Variants in HSD17B12 observed in about 807,000 individuals in gnomAD.
HSD17B12 encodes the protein hydroxysteroid 17-beta dehydrogenase 12.
A neutral mutation model predicts 39.3 loss-of-function variants in HSD17B12; 32 were observed. The ratio of observed to expected loss-of-function variants is 0.81; its 90% CI spans 0.61 to 1.09. HSD17B12 has a LOEUF of 1.09. Among genes scored for constraint, HSD17B12 ranks in the 50% least tolerant of loss-of-function variants. The pLI is 0.00. For missense variants in HSD17B12, 342 were observed against 382.9 expected (o/e 0.89, Z 0.89); for synonymous variants, 150 against 146.7 (o/e 1.02, Z -0.16).
At chr11:43,740,849 A>G (rs989800650) in intron 1 of HSD17B12, among the ~76,000 whole-genome samples, 2 of 152,266 alleles carry the variant, frequency 1.3e-5, no homozygotes, top group Non-Finnish European at 2.9e-5. Context: ...GTTAAAAATC[A>G]GTATTCTCCT....
the HSD17B12 span, among the ~76,000 whole-genome samples, chr11:43,630,367 A>C: frequency 6.6e-6 from 1 of 152,292 alleles, no homozygotes; most frequent in East Asian, 1.9e-4. Context: ...ATCATTGACA[A>C]GATTCTAAGG....
the HSD17B12 span, among the ~76,000 whole-genome samples, chr11:43,597,459 T>C: frequency 6.6e-6 from 1 of 152,058 alleles, no homozygotes; most frequent in Non-Finnish European, 1.5e-5. Context: ...ACGAAGGACT[T>C]TGGACTAATT....
At chr11:43,665,281 C>T in the HSD17B12 span, among the ~76,000 whole-genome samples, 4 of 152,104 alleles carry the variant, frequency 2.6e-5, no homozygotes, top group African/African-American at 4.8e-5. Context: ...TGCGGTGGTG[C>T]GATCTGGGCC....
chr11:43,850,898 C>T (rs1951524345), intron 9 of HSD17B12, among the ~76,000 whole-genome samples: 1 of 152,116 alleles, frequency 6.6e-6, no homozygotes, highest in Non-Finnish European at 1.5e-5. Flanking sequence ...TCCATCTCTA[C>T]TAAAAATACA....
chr11:43,667,954 C>G, the HSD17B12 span, among the ~76,000 whole-genome samples: 1 of 151,960 alleles, frequency 6.6e-6, no homozygotes, highest in Non-Finnish European at 1.5e-5. Flanking sequence ...GTAAAAAAAC[C>G]CATGTAGGAT....
At chr11:43,746,306 G>A (rs551764508) in intron 1 of HSD17B12, among the ~76,000 whole-genome samples, 29 of 152,048 alleles carry the variant, frequency 1.9e-4, no homozygotes, top group Admixed American at 8.5e-4. Flanking sequence ...GAAACACATT[G>A]TATACTGTAC....
intron 1 of HSD17B12, among the ~76,000 whole-genome samples, chr11:43,708,310 G>T (rs929775614): frequency 6.6e-6 from 1 of 152,092 alleles, no homozygotes; most frequent in Non-Finnish European, 1.5e-5. Flanking sequence ...ATAGGCTATT[G>T]TTTTACACAT....
At chr11:43,798,005 G>A (rs1365398230) in intron 3 of HSD17B12, among the ~76,000 whole-genome samples, 1 of 152,102 alleles carries the variant, frequency 6.6e-6, no homozygotes, top group East Asian at 1.9e-4. Context: ...TTTATGATAT[G>A]AATCATGTTT....
intron 4 of HSD17B12, among the ~76,000 whole-genome samples, chr11:43,807,529 A>G (rs1333290274): frequency 6.6e-6 from 1 of 152,234 alleles, no homozygotes; most frequent in African/African-American, 2.4e-5. Context: ...AAGTCTGAGA[A>G]AACCAAGACA....
At chr11:43,627,192 T>C in the HSD17B12 span, among the ~76,000 whole-genome samples, 3 of 151,948 alleles carry the variant, frequency 2.0e-5, no homozygotes, top group Non-Finnish European at 4.4e-5. Context: ...TAAGCCCTAT[T>C]GGTTCCTGAA....
At chr11:43,801,775 A>C (rs1950972042) in intron 4 of HSD17B12, among the ~76,000 whole-genome samples, 1 of 151,892 alleles carries the variant, frequency 6.6e-6, no homozygotes, top group Non-Finnish European at 1.5e-5. Flanking sequence ...GAATAGAGAG[A>C]ATGTAAAGAG....
intron 3 of HSD17B12, among the ~76,000 whole-genome samples, chr11:43,773,528 T>C (rs1432416976): frequency 1.3e-5 from 2 of 152,202 alleles, no homozygotes; most frequent in Non-Finnish European, 2.9e-5. Context: ...AGTGAGCCAC[T>C]GTACCTGGCC....
the HSD17B12 span, among the ~76,000 whole-genome samples, chr11:43,642,069 A>G: frequency 5.9e-5 from 9 of 151,792 alleles, no homozygotes; most frequent in Admixed American, 2.0e-4. Context: ...CTAATTTTAA[A>G]CATATTAATA....
intron 9 of HSD17B12, among the ~76,000 whole-genome samples, chr11:43,851,696 A>G (rs1487531626): frequency 6.6e-6 from 1 of 152,234 alleles, no homozygotes; most frequent in Non-Finnish European, 1.5e-5. Flanking sequence ...CAATTCATTC[A>G]ATAGATATTA....
At chr11:43,833,676 A>G (rs1039900726) in intron 7 of HSD17B12, 3 of 152,164 alleles carry the variant, frequency 2.0e-5, no homozygotes, top group South Asian at 2.1e-4. Flanking sequence ...CTTATTTCCT[A>G]TGGCTGGTTT....
At chr11:43,711,964 G>T (rs1950070834) in intron 1 of HSD17B12, among the ~76,000 whole-genome samples, 1 of 152,236 alleles carries the variant, frequency 6.6e-6, no homozygotes, top group African/African-American at 2.4e-5. Flanking sequence ...ATCAGCAAGG[G>T]CACTGTAAAA....
At chr11:43,663,239 G>A in the HSD17B12 span, among the ~76,000 whole-genome samples, 1 of 152,062 alleles carries the variant, frequency 6.6e-6, no homozygotes, top group Non-Finnish European at 1.5e-5. Context: ...TAGCTGGGAT[G>A]CAGGCATGTG....
rs11037583 is a variant in HSD17B12, at chr11:43,728,348, A to T, written c.161-22563A>T. On this transcript the variant is annotated intron_variant, in intron 1 of 10. Transcript: ENST00000278353. ...CCCAAAGTGCTGGGATTATAGGCAT[A>T]AGCCATTGCACCTGGCCCAATTCTG... is the stretch of plus-strand genomic sequence containing the variant. Among the ~76,000 whole-genome samples the T allele has an allele frequency of 3.9e-3, 599 of 152,246 alleles. 6 individuals carry two copies. In the East Asian group the frequency reaches 0.045, roughly 11 times the overall value.
At chr11:43,622,741 G>A in the HSD17B12 span, among the ~76,000 whole-genome samples, 1 of 151,944 alleles carries the variant, frequency 6.6e-6, no homozygotes, top group Non-Finnish European at 1.5e-5. Flanking sequence ...ACTGGTTTAT[G>A]CACTTTGAAG....
Sources: allele counts gnomAD v4.1 joint callset (sites outside exome capture counted in the v4.1 genomes callset), GRCh38; gene constraint gnomAD v4.1.1; transcripts MANE v1.5; gene names NCBI Gene and HGNC (gene_info 2026-07-23, HGNC 2026-07-21).